Variants in CD2AP observed in about 807,000 individuals in gnomAD.
The protein encoded by CD2AP is CD2-associated protein.
CD2AP carries 46 observed loss-of-function variants against 85.1 expected under a neutral mutation model. The observed-to-expected ratio is 0.54, with a 90% CI of 0.43 to 0.69. The LOEUF (loss-of-function observed/expected upper bound fraction) is 0.69, where lower values mean the gene tolerates loss of function less well. Ranked by LOEUF, CD2AP falls within the 30% of genes least tolerant of loss-of-function variation. The pLI is 0.00. For synonymous variants in CD2AP, 255 were observed against 252.9 expected (o/e 1.01, Z -0.08); for missense variants, 769 against 729.5 (o/e 1.05, Z -0.62).
intron 2 of CD2AP, among the ~76,000 whole-genome samples, chr6:47,505,076 A>T: frequency 8.0e-6 from 1 of 125,742 alleles, no homozygotes; most frequent in South Asian, 2.8e-4. Flanking sequence ...TGTTTCTCAC[A>T]GAGGGGGATT....
chr6:47,507,547 C>T (rs1294524520), intron 2 of CD2AP, among the ~76,000 whole-genome samples: 1 of 152,086 alleles, frequency 6.6e-6, no homozygotes, highest in Non-Finnish European at 1.5e-5. Flanking sequence ...CTCCTCGCCT[C>T]CCTAGTTCAA....
chr6:47,619,084 TTTTCCATACATTATTGGGG>T (rs1251390591), intron 17 of CD2AP, among the ~76,000 whole-genome samples: 30 of 152,298 alleles, frequency 2.0e-4, no homozygotes, highest in Admixed American at 5.2e-4. Flanking sequence ...TAACTAATTT[TTTTCCATACATTATTGGGG>T]TAGAGGTGGT....
intron 17 of CD2AP, among the ~76,000 whole-genome samples, chr6:47,613,740 G>A (rs956674458): frequency 6.6e-5 from 10 of 152,134 alleles, no homozygotes; most frequent in Non-Finnish European, 1.3e-4. Flanking sequence ...CCTGTCCTTT[G>A]AAGCTTTGAA....
chr6:47,529,689 A>G (rs1003098923), intron 2 of CD2AP, among the ~76,000 whole-genome samples: 57 of 152,348 alleles, frequency 3.7e-4, no homozygotes, highest in African/African-American at 1.3e-3. Context: ...GAGGTATGCC[A>G]CAGGAATTTA....
rs1008580714 is a variant in CD2AP at position 47,478,006 on chromosome 6, G to T, written c.-239G>T. ...GGGCCCTCCCGCCGCCGTGGCTCCT[G>T]GGGAGGCCAGGGGTGAGGAGCTGTC... On this transcript the variant is annotated 5_prime_UTR_variant, in exon 1 of 18. Transcript: ENST00000359314. 1 of 587,514 alleles carries T rather than the reference G, an allele frequency of 1.7e-6. No homozygotes were observed. Among genetic ancestry groups the T allele is most frequent in the Non-Finnish European group, 3.0e-6 (1 of 332,420 alleles). 36.4% of individuals were successfully genotyped at this position (587,514 alleles called of 1,614,324 possible). A position where few individuals can be genotyped will look rare whatever the true frequency, so the allele number is the denominator to read the frequency against.
Position 47,574,167 on chromosome 6 carries a change from A to G in CD2AP, c.645A>G (p.Gly215=), listed in dbSNP as rs1244587388. Residue 215 remains glycine (G), a synonymous_variant, in exon 6 of 18, where the codon GGA becomes GGG. Coordinates refer to ENST00000359314, the MANE Select transcript of CD2AP (RefSeq NM_012120.3). ...VTQPKKIRGI[G]FGDIFKEGSV... ...AGCCAAAGAAAATTCGAGGAATTGGATTTGGAGACATTTTTAAAGAAGGCT... is the reference window on the plus strand; with the variant it reads ...AGCCAAAGAAAATTCGAGGAATTGGGTTTGGAGACATTTTTAAAGAAGGCT... The G allele has an allele frequency of 6.2e-7, 1 of 1,613,920 alleles. No individual in the cohort carries two copies. Among genetic ancestry groups the G allele is most frequent in the African/African-American group, 1.3e-5 (1 of 74,918 alleles).
intron 1 of CD2AP, among the ~76,000 whole-genome samples, chr6:47,501,448 A>G (rs1303203149): frequency 6.6e-6 from 1 of 152,196 alleles, no homozygotes; most frequent in Non-Finnish European, 1.5e-5. Flanking sequence ...GTACATACCT[A>G]GACTAGTGAA....
At chr6:47,504,203 G>A (rs1190270576) in intron 2 of CD2AP, among the ~76,000 whole-genome samples, 1 of 152,186 alleles carries the variant, frequency 6.6e-6, no homozygotes, top group East Asian at 1.9e-4. Flanking sequence ...CTTGTTTTCT[G>A]TGTATTAGTT....
intron 1 of CD2AP, among the ~76,000 whole-genome samples, chr6:47,487,745 G>C (rs539354407): frequency 1.3e-5 from 2 of 152,244 alleles, no homozygotes; most frequent in East Asian, 3.9e-4. Flanking sequence ...TTCTCTTAGT[G>C]TGTAAATGAC....
chr6:47,517,490 A>G (rs565779225), intron 2 of CD2AP, among the ~76,000 whole-genome samples: 7 of 151,962 alleles, frequency 4.6e-5, no homozygotes, highest in Non-Finnish European at 8.8e-5. Context: ...GGGGTTTGCC[A>G]TGTTGCCCAG....
chr6:47,612,509 AGAG>A lies in CD2AP; in HGVS notation c.1852_1854del (p.Glu618del). ...AAAAACTGCGAAAAGATTTGGAAGAAGAGAAGACAATGAGAAGTAATCTAGAGG... is the reference window on the plus strand; with the variant it reads ...AAAAACTGCGAAAAGATTTGGAAGAAAAGACAATGAGAAGTAATCTAGAGG... On this transcript the variant is annotated inframe_deletion, in exon 17 of 18. Coordinates refer to ENST00000359314, the MANE Select transcript of CD2AP (RefSeq NM_012120.3). 1 of 1,608,254 alleles carries A rather than the reference AGAG, an allele frequency of 6.2e-7. No homozygotes were observed. The highest frequency in any genetic ancestry group is 1.1e-5 in the South Asian group (1 of 90,922).
rs188441513 is a variant in CD2AP, at chr6:47,613,732, T to C, written c.1878+1196T>C. On this transcript the variant is annotated intron_variant, in intron 17 of 17. Coordinates refer to ENST00000359314, the MANE Select transcript of CD2AP (RefSeq NM_012120.3). ...TGCATTCACCTAACAAGAGTCAGCC[T>C]GTCCTTTGAAGCTTTGAAGCCAGGG... 1.2e-4 allele frequency among the ~76,000 whole-genome samples: 19 copies of C among 152,302 alleles called. No homozygotes were observed. In the East Asian group the frequency reaches 3.7e-3, roughly 29 times the overall value.
rs201291952 is a variant in CD2AP, at chr6:47,605,976, AT to A, written c.1418-178del. On this transcript the variant is annotated intron_variant, in intron 13 of 17. Coordinates refer to ENST00000359314, the MANE Select transcript of CD2AP (RefSeq NM_012120.3). The stretch of plus-strand genomic sequence containing the variant: ...AATATAAATGTATCAGGTAAAGAGG[AT>A]TTTTTTTTTTCTTTTAAGGGCGAGT... 0.22 allele frequency among the ~76,000 whole-genome samples: 33,020 copies of A among 148,434 alleles called. 4,115 individuals carry two copies. The highest frequency in any genetic ancestry group is 0.29 in the Non-Finnish European group (19,395 of 66,880).
At chr6:47,514,156 A>G (rs1231916074) in intron 2 of CD2AP, among the ~76,000 whole-genome samples, 3 of 152,196 alleles carry the variant, frequency 2.0e-5, no homozygotes, top group East Asian at 3.8e-4. Flanking sequence ...TTGTCTAAGT[A>G]TAAACAACTT....
In CD2AP at chr6:47,612,455, T is replaced by A. The variant is rs1217680453; in HGVS notation, c.1815-18T>A. 6.6e-7 allele frequency: 1 copy of A among 1,525,890 alleles called. No individual in the cohort carries two copies. Among genetic ancestry groups the A allele is most frequent in the African/African-American group, 1.4e-5 (1 of 73,198 alleles). 94.5% of individuals were successfully genotyped at this position (1,525,890 alleles called of 1,614,324 possible). A position where few individuals can be genotyped will look rare whatever the true frequency, so the allele number is the denominator to read the frequency against. On this transcript the variant is annotated intron_variant, in intron 16 of 17. Transcript: ENST00000359314. The stretch of plus-strand genomic sequence containing the variant: ...ATTTAATCGAAAGACTTAACAGTAA[T>A]AAGTACTTTGTTTTTAGGAAAGAAC...
intron 2 of CD2AP, among the ~76,000 whole-genome samples, chr6:47,531,826 A>T (rs1464932014): frequency 6.6e-6 from 1 of 152,056 alleles, no homozygotes; most frequent in Non-Finnish European, 1.5e-5. Flanking sequence ...TAATCCCAGC[A>T]CTTTGGGAGG....
chr6:47,526,371 C>A (rs1766728522), intron 2 of CD2AP, among the ~76,000 whole-genome samples: 1 of 152,054 alleles, frequency 6.6e-6, no homozygotes, highest in Non-Finnish European at 1.5e-5. Context: ...GAGGTCTAAG[C>A]AAAATTGTAC....
At chr6:47,564,865 TCTTTTTTGC>T (rs1283929844) in intron 5 of CD2AP, among the ~76,000 whole-genome samples, 6 of 151,668 alleles carry the variant, frequency 4.0e-5, no homozygotes, top group Admixed American at 3.3e-4. Context: ...ATAAGTGTTT[TCTTTTTTGC>T]TTTCATTATT....
At chr6:47,623,905 G>T (rs1769828518) in intron 17 of CD2AP, among the ~76,000 whole-genome samples, 1 of 152,068 alleles carries the variant, frequency 6.6e-6, no homozygotes, top group Non-Finnish European at 1.5e-5. Context: ...AGGACTGACT[G>T]ATTTTTTTAC....
Sources: allele counts gnomAD v4.1 joint callset (sites outside exome capture counted in the v4.1 genomes callset), GRCh38; gene constraint gnomAD v4.1.1; transcripts MANE v1.5; gene names NCBI Gene and HGNC (gene_info 2026-07-23, HGNC 2026-07-21).